MELK: variants seen among roughly 807,000 people sequenced by gnomAD.
MELK encodes the protein pEg3 kinase.
Under a neutral mutation model 85.0 loss-of-function variants are expected in MELK, and 81 were observed. The ratio of observed to expected loss-of-function variants is 0.95; its 90% CI spans 0.80 to 1.15. The LOEUF is 1.15. MELK is among the 50% of genes most tolerant of loss of function. The probability of loss-of-function intolerance (pLI) is 0.00; values close to 1 mark genes in which losing one functional copy is unlikely to be tolerated. For missense variants in MELK, 754 were observed against 777.5 expected, an observed-to-expected ratio of 0.97 and a Z score of 0.36; for synonymous variants, 252 against 265.0, an observed-to-expected ratio of 0.95 and a Z score of 0.48.
intron 1 of MELK, among the ~76,000 whole-genome samples, chr9:36,575,106 C>T (rs1202643699): frequency 1.3e-5 from 2 of 152,194 alleles, no homozygotes; most frequent in African/African-American, 2.4e-5. Flanking sequence ...GCACTCCAGC[C>T]TGGGCAAGAG....
chr9:36,587,314 TTTTTA>T (rs1422474370), intron 3 of MELK, among the ~76,000 whole-genome samples: 4 of 150,916 alleles, frequency 2.7e-5, no homozygotes, highest in Non-Finnish European at 5.9e-5. Context: ...ACGGAGTCCC[TTTTTA>T]TTTTATTTGT....
chr9:36,580,018 T>C (rs1238093866), intron 1 of MELK, among the ~76,000 whole-genome samples: 2 of 150,962 alleles, frequency 1.3e-5, no homozygotes, highest in Admixed American at 6.6e-5. Context: ...TGATGACTAC[T>C]GATAATTTTT....
intron 8 of MELK, among the ~76,000 whole-genome samples, chr9:36,615,752 C>T (rs1207023022): frequency 2.1e-5 from 3 of 144,678 alleles, no homozygotes; most frequent in Non-Finnish European, 3.0e-5. Flanking sequence ...ACATCTCAGA[C>T]GATGGGCGGC....
chr9:36,586,031 C>T (rs13440431), intron 3 of MELK, among the ~76,000 whole-genome samples: 1 of 151,908 alleles, frequency 6.6e-6, no homozygotes, highest in Non-Finnish European at 1.5e-5. Context: ...GATATAAGTT[C>T]TGATTAACAC....
intron 6 of MELK, 68 bp from the exon 7 acceptor site, chr9:36,599,326 A>G: frequency 1.2e-6 from 1 of 838,806 alleles, no homozygotes. Context: ...AAAAAAAAAG[A>G]ATGTTTATCA....
intron 1 of MELK, among the ~76,000 whole-genome samples, chr9:36,578,944 G>A: frequency 6.6e-6 from 1 of 152,086 alleles, no homozygotes; most frequent in East Asian, 1.9e-4. Context: ...CTGGGTTCAA[G>A]CAATTCTCCT....
intron 17 of MELK, among the ~76,000 whole-genome samples, chr9:36,675,434 GCACA>G (rs927106397): frequency 6.6e-6 from 1 of 152,166 alleles, no homozygotes. Context: ...AGTTTTAGAA[GCACA>G]GATATTGTCC....
At chr9:36,583,540 G>GAT in intron 2 of MELK, 87 bp from the exon 3 acceptor site, 1 of 801,002 alleles carries the variant, frequency 1.2e-6, no homozygotes, top group African/African-American at 1.8e-5. Flanking sequence ...AATTTGGCTT[G>GAT]ATAGAGTCTT....
rs879398210 is a variant in MELK, at chr9:36,597,290, G to A, written c.474G>A (p.Lys158=). ...LIDFGLCAKP[K]GNKDYHLQTC... ...ACTTTGGTCTCTGTGCAAAACCCAA[G>A]GTAAGTGCAGAAATAAGATGCATCT... Residue 158 remains lysine, a splice_region_variant and synonymous_variant, in exon 6 of 18, where the codon AAG becomes AAA. Coordinates refer to ENST00000298048, the MANE Select transcript of MELK (RefSeq NM_014791.4). 6.2e-7 allele frequency: 1 copy of A among 1,610,612 alleles called. No homozygotes were observed. The highest frequency in any genetic ancestry group is 8.5e-7 in the Non-Finnish European group (1 of 1,177,108).
At chr9:36,573,890 G>C (rs976565211) in intron 1 of MELK, among the ~76,000 whole-genome samples, 5 of 152,080 alleles carry the variant, frequency 3.3e-5, no homozygotes, top group African/African-American at 7.2e-5. Flanking sequence ...GTAGGGTTGT[G>C]GGAGCTGGAA....
intron 13 of MELK, among the ~76,000 whole-genome samples, chr9:36,659,143 A>C (rs1831548380): frequency 6.6e-6 from 1 of 151,928 alleles, no homozygotes; most frequent in South Asian, 2.1e-4. Context: ...GGCCTCCCAA[A>C]GTGCTGGGAT....
At chr9:36,657,618 T>C (rs1831381310) in intron 13 of MELK, among the ~76,000 whole-genome samples, 1 of 152,232 alleles carries the variant, frequency 6.6e-6, no homozygotes, top group Non-Finnish European at 1.5e-5. Context: ...TGAGACTGAG[T>C]CTTGCTCTGT....
chr9:36,636,274 C>G (rs995248470), intron 10 of MELK, among the ~76,000 whole-genome samples: 1 of 151,894 alleles, frequency 6.6e-6, no homozygotes, highest in African/African-American at 2.4e-5. Context: ...GAGGCCGAGG[C>G]AGGTGGATCA....
chr9:36,654,508 A>G (rs985605561), intron 12 of MELK, among the ~76,000 whole-genome samples: 1 of 151,592 alleles, frequency 6.6e-6, no homozygotes, highest in African/African-American at 2.4e-5. Context: ...GGTGTGTGCC[A>G]CCACACCTAT....
At chr9:36,613,779 G>C (rs1202604238) in intron 8 of MELK, among the ~76,000 whole-genome samples, 1 of 152,166 alleles carries the variant, frequency 6.6e-6, no homozygotes, top group Non-Finnish European at 1.5e-5. Flanking sequence ...TCAAGGGAGG[G>C]TGAGAGGGCC....
chr9:36,649,473 C>CGAGACTCT, intron 11 of MELK, among the ~76,000 whole-genome samples: 1 of 151,318 alleles, frequency 6.6e-6, no homozygotes, highest in South Asian at 2.1e-4. Context: ...GGCGACAGAG[C>CGAGACTCT]AAAGTAGAAC....
chr9:36,672,405 C>G (rs1832967004), intron 16 of MELK, among the ~76,000 whole-genome samples: 2 of 152,094 alleles, frequency 1.3e-5, no homozygotes, highest in South Asian at 2.1e-4. Context: ...CATATATACA[C>G]ATTATTGAGA....
intron 11 of MELK, among the ~76,000 whole-genome samples, chr9:36,644,885 A>T (rs902546633): frequency 6.6e-6 from 1 of 152,054 alleles, no homozygotes; most frequent in African/African-American, 2.4e-5. Flanking sequence ...TCCAGCTGGG[A>T]TATTTCCACG....
chr9:36,587,007 C>A (rs1022101623), intron 3 of MELK, among the ~76,000 whole-genome samples: 3 of 151,696 alleles, frequency 2.0e-5, no homozygotes, highest in African/African-American at 7.3e-5. Context: ...GACCACCACG[C>A]CCAGCTAATT....
Sources: allele counts gnomAD v4.1 joint callset (sites outside exome capture counted in the v4.1 genomes callset), GRCh38; gene constraint gnomAD v4.1.1; transcripts MANE v1.5; gene names NCBI Gene and HGNC (gene_info 2026-07-23, HGNC 2026-07-21).